Variants in PGR observed in about 807,000 individuals in gnomAD.
PGR encodes progesterone receptor.
Under a neutral mutation model 76.1 loss-of-function variants are expected in PGR, and 25 were observed. The ratio of observed to expected loss-of-function variants is 0.33; its 90% CI spans 0.24 to 0.46. The LOEUF (loss-of-function observed/expected upper bound fraction) is 0.46, where lower values mean the gene tolerates loss of function less well. Ranked by LOEUF, PGR falls within the 20% of genes least tolerant of loss-of-function variation. The probability of loss-of-function intolerance (pLI) is 1.00; values close to 1 mark genes in which losing one functional copy is unlikely to be tolerated. For missense variants in PGR, 1,172 were observed against 1,225.3 expected (o/e 0.96, Z 0.65); for synonymous variants, 579 against 535.0 (o/e 1.08, Z -1.14).
In PGR at chr11:101,061,770, T is replaced by G. The variant is rs190002316; in HGVS notation, c.2212+677A>C. On this transcript the variant is annotated intron_variant, in intron 4 of 7. Coordinates refer to ENST00000325455, the MANE Select transcript of PGR (RefSeq NM_000926.4). ...TAACCAAGTGAGAATTTCATCCTTG[T>G]TATTCTTTCAAGTACTTGGCTCCTA... Among the ~76,000 whole-genome samples, 10 of 152,306 alleles carry G rather than the reference T, an allele frequency of 6.6e-5. 1 individual carries two copies. The East Asian group carries it at 1.9e-3, about 29-fold the overall frequency.
chr11:101,031,558 C>T lies in PGR; in HGVS notation c.*7558G>A, dbSNP rs926904171. The T allele has an allele frequency of 4.5e-6, 1 of 219,792 alleles. No homozygotes were observed. The highest frequency in any genetic ancestry group is 9.1e-6 in the Non-Finnish European group (1 of 110,126). 13.6% of individuals were successfully genotyped at this position (219,792 alleles called of 1,614,324 possible). A position where few individuals can be genotyped will look rare whatever the true frequency, so the allele number is the denominator to read the frequency against. On this transcript the variant is annotated 3_prime_UTR_variant, in exon 8 of 8. Coordinates refer to ENST00000325455, the MANE Select transcript of PGR (RefSeq NM_000926.4). The stretch of plus-strand genomic sequence containing the variant: ...CTCAGCTCCAAGGCTGTGGAGGGCT[C>T]ATGAAGTCACAATGTTCTACTGAGA...
chr11:101,113,085 T>G (rs1294005851), intron 2 of PGR, among the ~76,000 whole-genome samples: 2 of 151,726 alleles, frequency 1.3e-5, no homozygotes, highest in Non-Finnish European at 2.9e-5. Context: ...TATAAAATTT[T>G]GATCTCTTAT....
At chr11:101,058,447 G>A (rs1860370611) in intron 4 of PGR, among the ~76,000 whole-genome samples, 1 of 152,102 alleles carries the variant, frequency 6.6e-6, no homozygotes, top group Non-Finnish European at 1.5e-5. Context: ...CTCAAAAGTT[G>A]TTTTGGCACG....
Position 101,128,044 on chromosome 11 carries a change from G to A in PGR, c.1027C>T (p.Arg343Trp). ...AGAASAFAPPRSSPCASSTPV... is the reference protein window; with the variant it reads ...AGAASAFAPPWSSPCASSTPV... ...GTGGACGAGGCACAGGGTGAACTCC[G>A]CGGCGGGGCAAAGGCGCTGGCAGCC... is the stretch of plus-strand genomic sequence containing the variant. Residue 343 changes from arginine to tryptophan, a missense_variant, in exon 1 of 8, where the codon CGG becomes TGG. Coordinates refer to ENST00000325455, the MANE Select transcript of PGR (RefSeq NM_000926.4). 1 of 1,605,124 alleles carries A rather than the reference G, an allele frequency of 6.2e-7. No individual in the cohort carries two copies. The highest frequency in any genetic ancestry group is 1.1e-5 in the South Asian group (1 of 91,066).
chr11:101,051,051 AAATT>A (rs1181367181), intron 5 of PGR: 1 of 185,338 alleles, frequency 5.4e-6, no homozygotes, highest in African/African-American at 2.4e-5. Context: ...TTTTTTAAAT[AAATT>A]AGCAGTCTAA....
chr11:101,047,845 G>A (rs1342008116), intron 6 of PGR, among the ~76,000 whole-genome samples: 1 of 152,006 alleles, frequency 6.6e-6, no homozygotes, highest in Non-Finnish European at 1.5e-5. Flanking sequence ...TGAGGCAGAG[G>A]TAAGTATGTT....
intron 4 of PGR, among the ~76,000 whole-genome samples, chr11:101,055,309 G>A (rs1277637963): frequency 6.7e-6 from 1 of 149,112 alleles, no homozygotes; most frequent in East Asian, 2.1e-4. Flanking sequence ...TCAGCTACTT[G>A]GGAGGATGAG....
chr11:101,122,603 C>T (rs1862713808), intron 2 of PGR, among the ~76,000 whole-genome samples: 1 of 152,202 alleles, frequency 6.6e-6, no homozygotes. Context: ...ATGCAATGGG[C>T]TATCCAACCA....
Position 101,033,780 on chromosome 11 carries a change from T to A in PGR, c.*5336A>T, listed in dbSNP as rs1859424473. 1 of 207,498 alleles carries A rather than the reference T, an allele frequency of 4.8e-6. No individual in the cohort carries two copies. Among genetic ancestry groups the A allele is most frequent in the Admixed American group, 5.9e-5 (1 of 16,896 alleles). 12.9% of individuals were successfully genotyped at this position (207,498 alleles called of 1,614,324 possible). A position where few individuals can be genotyped will look rare whatever the true frequency, so the allele number is the denominator to read the frequency against. On this transcript the variant is annotated 3_prime_UTR_variant, in exon 8 of 8. Transcript: ENST00000325455. ...AATTCATAACAGTAAAAATGCAGAT[T>A]AGTAAACGTCATAGACAAAGAGATC... is the stretch of plus-strand genomic sequence containing the variant.
intron 2 of PGR, among the ~76,000 whole-genome samples, chr11:101,098,310 A>G (rs1861897969): frequency 1.3e-5 from 2 of 152,234 alleles, no homozygotes; most frequent in African/African-American, 2.4e-5. Context: ...TATGAGCACA[A>G]GTGAACATAG....
In PGR at chr11:101,034,431, G is replaced by T; in HGVS notation, c.*4685C>A. ...CCCCTTGGTGTTTTTCTTTGCTTTGGTTATAGGATATTCAGAGAAGGTATG... is the reference window on the plus strand; with the variant it reads ...CCCCTTGGTGTTTTTCTTTGCTTTGTTTATAGGATATTCAGAGAAGGTATG... On this transcript the variant is annotated 3_prime_UTR_variant, in exon 8 of 8. Transcript: ENST00000325455. 1 of 191,008 alleles carries T rather than the reference G, an allele frequency of 5.2e-6. No homozygotes were observed. The highest frequency in any genetic ancestry group is 1.1e-5 in the Non-Finnish European group (1 of 91,158). 11.8% of individuals were successfully genotyped at this position (191,008 alleles called of 1,614,324 possible).
chr11:101,105,495 CTTTT>C (rs377349747), intron 2 of PGR, among the ~76,000 whole-genome samples: 1 of 136,638 alleles, frequency 7.3e-6, no homozygotes. Context: ...TAGCATATTC[CTTTT>C]TTTTTTTTTT....
intron 2 of PGR, among the ~76,000 whole-genome samples, chr11:101,093,515 C>G (rs1246906763): frequency 6.6e-6 from 1 of 152,154 alleles, no homozygotes; most frequent in African/African-American, 2.4e-5. Flanking sequence ...GCCTGGAAAG[C>G]AAAGGCACAG....
intron 4 of PGR, 60 bp downstream of exon 4, chr11:101,062,387 A>G: frequency 8.1e-7 from 1 of 1,228,110 alleles, no homozygotes. Flanking sequence ...TTAACAATGT[A>G]CTAATACAAC....
chr11:101,092,407 T>TA (rs988341155), intron 2 of PGR, among the ~76,000 whole-genome samples: 2 of 152,226 alleles, frequency 1.3e-5, no homozygotes, highest in African/African-American at 4.8e-5. Flanking sequence ...GAAGAGCATG[T>TA]AAAAAAGATC....
At chr11:101,084,415 T>C (rs550121416) in intron 3 of PGR, among the ~76,000 whole-genome samples, 11 of 152,226 alleles carry the variant, frequency 7.2e-5, no homozygotes, top group African/African-American at 2.4e-4. Flanking sequence ...CCCAGAACTT[T>C]GGGAGGCTGA....
At chr11:101,071,510 G>A (rs934993384) in intron 3 of PGR, among the ~76,000 whole-genome samples, 21 of 151,760 alleles carry the variant, frequency 1.4e-4, no homozygotes, top group African/African-American at 3.9e-4. Context: ...TTCAGGAGGC[G>A]GGTAATGACA....
At chr11:101,048,820 G>GT (rs1565331400) in intron 6 of PGR, among the ~76,000 whole-genome samples, 1 of 151,872 alleles carries the variant, frequency 6.6e-6, no homozygotes, top group Admixed American at 6.6e-5. Flanking sequence ...TTACCTTACC[G>GT]TAACTTTTTT....
intron 3 of PGR, among the ~76,000 whole-genome samples, chr11:101,089,381 ATAT>A (rs921159298): frequency 8.5e-5 from 13 of 152,320 alleles, no homozygotes; most frequent in Non-Finnish European, 1.5e-4. Context: ...TATTTCAGAG[ATAT>A]TATTGCTTAG....
Sources: allele counts gnomAD v4.1 joint callset (sites outside exome capture counted in the v4.1 genomes callset), GRCh38; gene constraint gnomAD v4.1.1; transcripts MANE v1.5; gene names NCBI Gene and HGNC (gene_info 2026-07-23, HGNC 2026-07-21).